The following ECT2L variants were observed in gnomAD, a reference collection of about 807,000 sequenced individuals.
ECT2L encodes epithelial cell transforming 2 like.
A neutral mutation model predicts 122.8 loss-of-function variants in ECT2L; 126 were observed. The ratio of observed to expected loss-of-function variants is 1.03; its 90% CI spans 0.89 to 1.19. ECT2L has a LOEUF of 1.19. Among genes scored for constraint, ECT2L ranks in the 50% most tolerant of loss-of-function variants. The pLI, the probability that ECT2L is intolerant of heterozygous loss-of-function variation, is 0.00. For synonymous variants in ECT2L, 385 were observed against 381.8 expected (o/e 1.01, Z -0.10); for missense variants, 1,012 against 1,064.1 (o/e 0.95, Z 0.68).
chr6:138,900,471 C>G (rs1216100055), intron 20 of ECT2L, among the ~76,000 whole-genome samples: 5 of 152,180 alleles, frequency 3.3e-5, no homozygotes. Context: ...GGTTTTGGAA[C>G]TCCTGACCTC....
intron 20 of ECT2L, among the ~76,000 whole-genome samples, chr6:138,898,392 A>G (rs1779284662): frequency 6.6e-6 from 1 of 152,204 alleles, no homozygotes; most frequent in African/African-American, 2.4e-5. Context: ...CTATGTTTCC[A>G]TTGACCCACA....
intron 2 of ECT2L, 96 bp from the exon 3 acceptor site, chr6:138,813,076 G>A (rs755807456): frequency 1.2e-4 from 57 of 483,900 alleles, no homozygotes; most frequent in Middle Eastern, 5.4e-4. Context: ...ATATACACAC[G>A]TACACACATG....
chr6:138,886,397 A>T (rs1424863106), intron 18 of ECT2L, among the ~76,000 whole-genome samples: 1 of 152,124 alleles, frequency 6.6e-6, no homozygotes, highest in Admixed American at 6.6e-5. Flanking sequence ...CATTGGGTAC[A>T]GAAAATTGAA....
chr6:138,865,125 AG>A lies in ECT2L; in HGVS notation c.1422del (p.Gln474HisfsTer17). ...LEETLKTVRK[Q>X]LYPFFKELQK... is the part of the protein sequence containing the mutation. ...GAAACCTTGAAAACAGTAAGGAAGC[AG>A]CTGTATCCTTTCTTCAAGGAACTGC... On this transcript the variant is annotated frameshift_variant, in exon 12 of 22. Transcript: ENST00000541398. LOFTEE classifies it high-confidence loss of function. 6.2e-7 allele frequency: 1 copy of A among 1,613,956 alleles called. No individual in the cohort carries two copies. The highest frequency in any genetic ancestry group is 8.5e-7 in the Non-Finnish European group (1 of 1,179,882).
At chr6:138,830,084 C>T (rs567072877) in intron 4 of ECT2L, among the ~76,000 whole-genome samples, 18 of 152,278 alleles carry the variant, frequency 1.2e-4, no homozygotes, top group South Asian at 2.1e-4. Context: ...ACTAATTCAA[C>T]ACACAATTAA....
chr6:138,858,225 G>A (rs571313603), intron 10 of ECT2L, among the ~76,000 whole-genome samples: 3 of 152,176 alleles, frequency 2.0e-5, no homozygotes, highest in Admixed American at 6.5e-5. Context: ...CTGAGCTGCA[G>A]ACTCATATCT....
intron 4 of ECT2L, among the ~76,000 whole-genome samples, chr6:138,829,696 T>C (rs1450211504): frequency 2.0e-5 from 3 of 151,950 alleles, no homozygotes; most frequent in Non-Finnish European, 4.4e-5. Context: ...TTTAGGGACA[T>C]AGAGTCAAAT....
chr6:138,799,455 C>G (rs1034523052), intron 1 of ECT2L, among the ~76,000 whole-genome samples: 1 of 152,144 alleles, frequency 6.6e-6, no homozygotes, highest in Non-Finnish European at 1.5e-5. Context: ...CGGGGTTTCA[C>G]TGTGTTAGCC....
At position 138,891,065 on chromosome 6, in the gene ECT2L, AG is replaced by A. The variant is rs201741813; in HGVS notation, c.2414+2040del. Among the ~76,000 whole-genome samples the A allele has an allele frequency of 1.5e-3, 229 of 152,254 alleles. 1 individual carries two copies. The East Asian group carries it at 0.015, about 10-fold the overall frequency. ...AAAATGAGTTCAGGCCATGATAGGAAGGGGGGATTGGATATGCCTCATTATA... is the reference window on the plus strand; with the variant it reads ...AAAATGAGTTCAGGCCATGATAGGAAGGGGGATTGGATATGCCTCATTATA... On this transcript the variant is annotated intron_variant, in intron 20 of 21. Coordinates refer to ENST00000541398, the MANE Select transcript of ECT2L (RefSeq NM_001077706.3).
At chr6:138,856,893 T>A (rs560777835) in intron 10 of ECT2L, among the ~76,000 whole-genome samples, 2 of 152,222 alleles carry the variant, frequency 1.3e-5, no homozygotes, top group African/African-American at 4.8e-5. Context: ...ATCTCTTCTC[T>A]TTAGACAATC....
chr6:138,858,102 T>C (rs1203395639), intron 10 of ECT2L, among the ~76,000 whole-genome samples: 2 of 152,180 alleles, frequency 1.3e-5, no homozygotes, highest in Admixed American at 6.5e-5. Context: ...GTGAGGATTA[T>C]TACAATTCAA....
At chr6:138,804,045 A>T (rs1775633566) in intron 1 of ECT2L, among the ~76,000 whole-genome samples, 1 of 152,238 alleles carries the variant, frequency 6.6e-6, no homozygotes, top group African/African-American at 2.4e-5. Flanking sequence ...ATCACTGACA[A>T]GTGGTTGTCC....
At position 138,864,002 on chromosome 6, in the gene ECT2L, T is replaced by TAAAAA. The variant is rs1172466449; in HGVS notation, c.1292-971_1292-967dup. ...CTCTCTTGTTCTCATTCTCCGTATT[T>TAAAAA]AAAAAAAAAAAAAAAAAAAAAAAAA... On this transcript the variant is annotated intron_variant, in intron 11 of 21. Coordinates refer to ENST00000541398, the MANE Select transcript of ECT2L (RefSeq NM_001077706.3). Among the ~76,000 whole-genome samples, 46 of 55,870 alleles carry TAAAAA rather than the reference T, an allele frequency of 8.2e-4. 5 individuals are homozygous for TAAAAA. Among genetic ancestry groups the TAAAAA allele is most frequent in the African/African-American group, 1.8e-3 (23 of 12,776 alleles). 36.7% of individuals were successfully genotyped at this position (55,870 alleles called of 152,430 possible).
At chr6:138,823,341 T>C (rs1776329921) in intron 4 of ECT2L, 10 of 1,597,310 alleles carry the variant, frequency 6.3e-6, no homozygotes, top group African/African-American at 1.4e-5. Flanking sequence ...AATGAAAGCA[T>C]TGATTCAAAT....
rs748089017 is a variant in ECT2L, at chr6:138,882,875, A to C, written c.2028+4A>C. The C allele has an allele frequency of 1.3e-6, 2 of 1,595,086 alleles. No individual in the cohort carries two copies. The highest frequency in any genetic ancestry group is 1.7e-6 in the Non-Finnish European group (2 of 1,173,090). ...CATTCTGAAAACTATTGAGAAGGTA[A>C]ATGAGTTTCAATTCCATCATTCTAT... On this transcript the variant is annotated splice_donor_region_variant and intron_variant, in intron 16 of 21. Transcript: ENST00000541398.
chr6:138,891,692 T>G (rs1376463597), intron 20 of ECT2L, among the ~76,000 whole-genome samples: 1 of 152,218 alleles, frequency 6.6e-6, no homozygotes, highest in African/African-American at 2.4e-5. Context: ...GTAACTTCTA[T>G]CCCCGTAAAA....
chr6:138,881,113 A>C lies in ECT2L; in HGVS notation c.1822A>C (p.Ser608Arg). The C allele has an allele frequency of 6.2e-7, 1 of 1,614,184 alleles. No homozygotes were observed. The highest frequency in any genetic ancestry group is 1.1e-5 in the South Asian group (1 of 91,076). Reference sequence around the variant, plus strand: ...ATTGTCATCAAACAGAGCGATTCTGAGTGCTGCCAATATCCAGATCATTTT... The same window carrying C: ...ATTGTCATCAAACAGAGCGATTCTGCGTGCTGCCAATATCCAGATCATTTT... ...AALSSNRAIL[S>R]AANIQIIFCD... Residue 608 changes from serine (S) to arginine (R), a missense_variant, in exon 15 of 22, where the codon AGT becomes CGT. By Grantham distance (110) the Ser-to-Arg change is moderately radical. Transcript: ENST00000541398.
Position 138,865,113 on chromosome 6 carries a change from C to T in ECT2L, c.1409C>T (p.Thr470Ile). The change falls in exon 12 of 22, where the codon ACA becomes ATA. Residue 470 changes from threonine (T) to isoleucine (I), a missense_variant. Physicochemically the swap from Thr to Ile is moderately conservative, Grantham distance 89 (BLOSUM62 -1). Coordinates refer to ENST00000541398, the MANE Select transcript of ECT2L (RefSeq NM_001077706.3). Reference protein sequence around the residue: ...FTDFLEETLKTVRKQLYPFFK... With the variant: ...FTDFLEETLKIVRKQLYPFFK... ...GACTTCCTAGAAGAAACCTTGAAAA[C>T]AGTAAGGAAGCAGCTGTATCCTTTC... The T allele has an allele frequency of 6.2e-7, 1 of 1,614,026 alleles. No individual in the cohort carries two copies. The highest frequency in any genetic ancestry group is 1.1e-5 in the South Asian group (1 of 91,070).
intron 14 of ECT2L, among the ~76,000 whole-genome samples, chr6:138,878,339 A>G (rs7763355): frequency 0.045 from 6,899 of 152,202 alleles, 496 homozygotes; most frequent in African/African-American, 0.15. Context: ...ACACATACAT[A>G]TATACATATA....
Sources: allele counts gnomAD v4.1 joint callset (sites outside exome capture counted in the v4.1 genomes callset), GRCh38; gene constraint gnomAD v4.1.1; transcripts MANE v1.5; gene names NCBI Gene and HGNC (gene_info 2026-07-23, HGNC 2026-07-21).